The following ATP2A3 variants were observed in gnomAD, a reference collection of about 807,000 sequenced individuals.
The protein encoded by ATP2A3 is sarcoplasmic/endoplasmic reticulum calcium ATPase 3.
A neutral mutation model predicts 106.8 loss-of-function variants in ATP2A3; 61 were observed. That is an observed-to-expected ratio of 0.57 (90% CI 0.46 to 0.71). The LOEUF (loss-of-function observed/expected upper bound fraction) is 0.71. ATP2A3 is among the 30% of genes least tolerant of loss of function. The pLI is 0.00. For synonymous variants in ATP2A3, 611 were observed against 609.3 expected (o/e 1.00, Z -0.04); for missense variants, 1,201 against 1,423.5 (o/e 0.84, Z 2.52).
chr17:3,928,839 G>A lies in ATP2A3; in HGVS notation c.2863-59C>T. On this transcript the variant is annotated intron_variant, in intron 19 of 20. Transcript: ENST00000397041. This position sits in a 1 kb window ranked among gnomAD's most constrained non-coding sequence, Gnocchi z 6.1. ...GAAGGACTGGCTGTCCCGTGCCCCA[G>A]CCATCTGCTGGCCTTATCCACCTGG... 1 of 1,373,368 alleles carries A rather than the reference G, an allele frequency of 7.3e-7. No individual in the cohort carries two copies. Among genetic ancestry groups the A allele is most frequent in the South Asian group, 1.3e-5 (1 of 79,376 alleles). 85.1% of individuals were successfully genotyped at this position (1,373,368 alleles called of 1,614,324 possible).
chr17:3,941,574 C>T lies in ATP2A3; in HGVS notation c.1626G>A (p.Arg542=), dbSNP rs754877804. ...CCCGGATCTTTGCCAGGATCTGCTC[C>T]CTGGAGGTGGGGGTCAGGGGTGCTG... ...SRTAPLTPTS[R]EQILAKIRDW... Residue 542 remains arginine, a synonymous_variant, in exon 13 of 21, where the codon AGG becomes AGA. Transcript: ENST00000397041. 3 of 1,613,410 alleles carry T rather than the reference C, an allele frequency of 1.9e-6. No homozygotes were observed. The Admixed American group carries it at 5.0e-5, about 27-fold the overall frequency.
chr17:3,959,663 G>A (rs1412831345), intron 1 of ATP2A3, among the ~76,000 whole-genome samples: 1 of 152,246 alleles, frequency 6.6e-6, no homozygotes, highest in African/African-American at 2.4e-5. Flanking sequence ...TAAATTTACA[G>A]AGCAATTAAA....
intron 20 of ATP2A3, chr17:3,927,304 G>C (rs2052761980): frequency 1.0e-6 from 1 of 985,356 alleles, no homozygotes; most frequent in Non-Finnish European, 1.2e-6. Flanking sequence ...TTAGCCATGG[G>C]CATAATTTTC....
In ATP2A3 at chr17:3,940,966, C is replaced by T. The variant is rs1567695280; in HGVS notation, c.2100+5G>A. 1 of 1,613,870 alleles carries T rather than the reference C, an allele frequency of 6.2e-7. No homozygotes were observed. The highest frequency in any genetic ancestry group is 8.5e-7 in the Non-Finnish European group (1 of 1,179,774). Reference sequence around the variant, plus strand: ...CCCTCCTGGGGCTCCAGGCTGTGGCCTCACCATAGCAGTGATCTCGTTAAA... The same window carrying T: ...CCCTCCTGGGGCTCCAGGCTGTGGCTTCACCATAGCAGTGATCTCGTTAAA... On this transcript the variant is annotated splice_donor_5th_base_variant and intron_variant, in intron 14 of 20. Transcript: ENST00000397041.
chr17:3,958,569 T>A lies in ATP2A3; in HGVS notation c.119-4859A>T, dbSNP rs113443412. 6.7e-3 allele frequency among the ~76,000 whole-genome samples: 1,025 copies of A among 152,082 alleles called. 7 individuals carry two copies. The highest frequency in any genetic ancestry group is 0.02 in the Middle Eastern group (6 of 294). Reference sequence around the variant, plus strand: ...TCCCGAATGCACATCTGTCCCTCTGTTAGCCAAGCCTCAGGATTGCCACCC... The same window carrying A: ...TCCCGAATGCACATCTGTCCCTCTGATAGCCAAGCCTCAGGATTGCCACCC... On this transcript the variant is annotated intron_variant, in intron 1 of 20. Transcript: ENST00000397041.
rs1402327507 is a variant in ATP2A3 at position 3,947,385 on chromosome 17, A to T, written c.1095+6T>A. ...GCACAGCAACACCAAGCTGGCCGTC[A>T]CTCACCCGGCAGACAGACATCTGAT... On this transcript the variant is annotated splice_donor_region_variant and intron_variant, in intron 8 of 20. Transcript: ENST00000397041. The surrounding 1 kb of genome is among the most constrained non-coding windows in gnomAD (Gnocchi z 7.7). 9 of 1,613,682 alleles carry T rather than the reference A, an allele frequency of 5.6e-6. No individual in the cohort carries two copies. The African/African-American group carries it at 1.2e-4, about 22-fold the overall frequency.
At chr17:3,941,825 T>G (rs2053798160) in intron 12 of ATP2A3, among the ~76,000 whole-genome samples, 171 bp from the exon 13 acceptor site, 1 of 152,116 alleles carries the variant, frequency 6.6e-6, no homozygotes, top group Non-Finnish European at 1.5e-5. Flanking sequence ...GAGAACCAAG[T>G]GGGTCCCCCT....
Position 3,947,391 on chromosome 17 carries a change from C to T in ATP2A3, c.1095G>A (p.Arg365=), listed in dbSNP as rs1414265756. 6.2e-7 allele frequency: 1 copy of T among 1,613,708 alleles called. No homozygotes were observed. The highest frequency in any genetic ancestry group is 8.5e-7 in the Non-Finnish European group (1 of 1,180,056). ...CAACACCAAGCTGGCCGTCACTCAC[C>T]CGGCAGACAGACATCTGATTGGTGG... ...TLTTNQMSVC[R]MFVVAEADAG... Residue 365 remains arginine, a splice_region_variant and synonymous_variant, in exon 8 of 21, where the codon CGG becomes CGA. Coordinates refer to ENST00000397041, the MANE Select transcript of ATP2A3 (RefSeq NM_005173.4). The surrounding 1 kb of genome is among the most constrained non-coding windows in gnomAD (Gnocchi z 7.7).
Position 3,947,797 on chromosome 17 carries a change from G to C in ATP2A3, c.689C>G (p.Thr230Arg). The C allele has an allele frequency of 6.2e-7, 1 of 1,601,130 alleles. No homozygotes were observed. Among genetic ancestry groups the C allele is most frequent in the Non-Finnish European group, 8.5e-7 (1 of 1,179,870 alleles). ...VGVAVATGLH[T>R]ELGKIRSQMA... Reference sequence around the variant, plus strand: ...CTGGCTCCGGATCTTGCCCAGCTCCGTGTGCAGGCCGGTGGCCACGGCCAC... The same window carrying C: ...CTGGCTCCGGATCTTGCCCAGCTCCCTGTGCAGGCCGGTGGCCACGGCCAC... Residue 230 changes from threonine to arginine, a missense_variant, in exon 8 of 21, where the codon ACG becomes AGG. Physicochemically the swap from Thr to Arg is moderately conservative, Grantham distance 71. Around this residue, in one of 2 missense-constraint regions of ATP2A3, gnomAD observed 935 missense variants for 1,176.7 expected, o/e 0.79. Transcript: ENST00000397041. The surrounding 1 kb of genome is among the most constrained non-coding windows in gnomAD (Gnocchi z 7.7).
In ATP2A3 at chr17:3,929,966, C is replaced by G. The variant is rs1031279267; in HGVS notation, c.2744+335G>C. 3.3e-5 allele frequency among the ~76,000 whole-genome samples: 5 copies of G among 149,284 alleles called. No homozygotes were observed. The highest frequency in any genetic ancestry group is 6.9e-3 in the Middle Eastern group (2 of 290). ...GAACCCCTTGACCCCAGACCCCAAT[C>G]CTGGACCTCTCTTGACCCCTAGACC... On this transcript the variant is annotated intron_variant, in intron 18 of 20. Transcript: ENST00000397041. This position sits in a 1 kb window ranked among gnomAD's most constrained non-coding sequence, Gnocchi z 4.3.
At chr17:3,952,179 G>C (rs1043934587) in intron 3 of ATP2A3, among the ~76,000 whole-genome samples, 2 of 152,144 alleles carry the variant, frequency 1.3e-5, no homozygotes, top group Admixed American at 6.5e-5. Flanking sequence ...TTGCCTCCCA[G>C]GTTCAAGCAA....
At position 3,928,337 on chromosome 17, in the gene ATP2A3, G is replaced by A; in HGVS notation, c.2980+326C>T. ...CCTGGATAAAGACAGGCTGGGTGCA[G>A]AGGGGTCAGAGGCTGAGGCCCAGAA... On this transcript the variant is annotated intron_variant, in intron 20 of 20. Transcript: ENST00000397041. The surrounding 1 kb of genome is among the most constrained non-coding windows in gnomAD (Gnocchi z 6.1). 1 of 1,611,470 alleles carries A rather than the reference G, an allele frequency of 6.2e-7. No homozygotes were observed. The highest frequency in any genetic ancestry group is 8.5e-7 in the Non-Finnish European group (1 of 1,179,006).
At position 3,944,338 on chromosome 17, in the gene ATP2A3, C is replaced by T. The variant is rs578093156; in HGVS notation, c.1287+366G>A. 5.3e-5 allele frequency among the ~76,000 whole-genome samples: 8 copies of T among 152,228 alleles called. No homozygotes were observed. In the East Asian group the frequency reaches 7.8e-4, roughly 15 times the overall value. On this transcript the variant is annotated intron_variant, in intron 10 of 20. Coordinates refer to ENST00000397041, the MANE Select transcript of ATP2A3 (RefSeq NM_005173.4). ...TGCTGCATGCCCCATTCCACTGCCC[C>T]GGCCACGTGAATGCCTAAGTCGCAG...
chr17:3,947,957 G>A lies in ATP2A3; in HGVS notation c.631-102C>T. On this transcript the variant is annotated intron_variant, in intron 7 of 20. Coordinates refer to ENST00000397041, the MANE Select transcript of ATP2A3 (RefSeq NM_005173.4). The surrounding 1 kb of genome is among the most constrained non-coding windows in gnomAD (Gnocchi z 7.7). ...GAATAAGGCACTTATCCTTCTACCCGGCTTTCCTTTTCTCCATGTTGCTAG... is the reference window on the plus strand; with the variant it reads ...GAATAAGGCACTTATCCTTCTACCCAGCTTTCCTTTTCTCCATGTTGCTAG... 2 of 1,202,330 alleles carry A rather than the reference G, an allele frequency of 1.7e-6. No homozygotes were observed. The highest frequency in any genetic ancestry group is 2.6e-5 in the South Asian group (2 of 76,544). 74.5% of individuals were successfully genotyped at this position (1,202,330 alleles called of 1,614,324 possible).
rs2054398117 is a variant in ATP2A3, at chr17:3,951,162, G to A, written c.463+89C>T. Reference sequence around the variant, plus strand: ...CACTCCAGTCTGGGCAACAGAGCACGACTCCATCTCAAAAAATAAATAAAT... The same window carrying A: ...CACTCCAGTCTGGGCAACAGAGCACAACTCCATCTCAAAAAATAAATAAAT... On this transcript the variant is annotated intron_variant, in intron 5 of 20. Coordinates refer to ENST00000397041, the MANE Select transcript of ATP2A3 (RefSeq NM_005173.4). The A allele has an allele frequency of 2.3e-5, 26 of 1,112,440 alleles. No homozygotes were observed. In the South Asian group the frequency reaches 5.1e-4, roughly 22 times the overall value. The allele number at this position is 1,112,440 out of a possible 1,614,324, so 68.9% of individuals were successfully genotyped here.
Position 3,936,500 on chromosome 17 carries a change from T to C in ATP2A3, c.2322-31A>G. ...ACAGAGTCATGAGCTCTAGCCCCGG[T>C]AGGCCTAGCCCCCGGCAGATGCAGG... On this transcript the variant is annotated intron_variant, in intron 15 of 20. Coordinates refer to ENST00000397041, the MANE Select transcript of ATP2A3 (RefSeq NM_005173.4). This position sits in a 1 kb window ranked among gnomAD's most constrained non-coding sequence, Gnocchi z 5.4. 6.2e-7 allele frequency: 1 copy of C among 1,610,802 alleles called. No individual in the cohort carries two copies. The highest frequency in any genetic ancestry group is 8.5e-7 in the Non-Finnish European group (1 of 1,178,094).
rs868053250 is a variant in ATP2A3, at chr17:3,928,016, G to A, written c.2980+647C>T. Reference sequence around the variant, plus strand: ...TCCCTCTCTGAGCAGCTCTGACAGCGAGACGATGCTGTGTCCCTGGCCCTT... The same window carrying A: ...TCCCTCTCTGAGCAGCTCTGACAGCAAGACGATGCTGTGTCCCTGGCCCTT... On this transcript the variant is annotated intron_variant, in intron 20 of 20. Coordinates refer to ENST00000397041, the MANE Select transcript of ATP2A3 (RefSeq NM_005173.4). The surrounding 1 kb of genome is among the most constrained non-coding windows in gnomAD (Gnocchi z 6.1). 11 of 1,614,050 alleles carry A rather than the reference G, an allele frequency of 6.8e-6. No homozygotes were observed. Among genetic ancestry groups the A allele is most frequent in the South Asian group, 2.2e-5 (2 of 91,088 alleles).
rs756830133 is a variant in ATP2A3 at position 3,940,943 on chromosome 17, C to T, written c.2100+28G>A. ...ACCCCGTGGCCCCACTCATCACCCC[C>T]TCCTGGGGCTCCAGGCTGTGGCCTC... On this transcript the variant is annotated intron_variant, in intron 14 of 20. Transcript: ENST00000397041. 8.7e-6 allele frequency: 14 copies of T among 1,613,140 alleles called. No homozygotes were observed. In the Admixed American group the frequency reaches 2.0e-4, roughly 23 times the overall value.
Position 3,929,591 on chromosome 17 carries a change from C to T in ATP2A3, c.2745-146G>A. 1 of 691,252 alleles carries T rather than the reference C, an allele frequency of 1.4e-6. No homozygotes were observed. The highest frequency in any genetic ancestry group is 2.7e-5 in the Admixed American group (1 of 37,566). The allele number at this position is 691,252 out of a possible 1,614,324, so 42.8% of individuals were successfully genotyped here. Reference sequence around the variant, plus strand: ...TGCCAGGGCCTGTCCCGGGCTGGGACCCCTTTCTCTGCCCCTCAGACCTAA... The same window carrying T: ...TGCCAGGGCCTGTCCCGGGCTGGGATCCCTTTCTCTGCCCCTCAGACCTAA... On this transcript the variant is annotated intron_variant, in intron 18 of 20. Transcript: ENST00000397041. The surrounding 1 kb of genome is among the most constrained non-coding windows in gnomAD (Gnocchi z 4.3).
Sources: allele counts gnomAD v4.1 joint callset (sites outside exome capture counted in the v4.1 genomes callset), GRCh38; gene constraint gnomAD v4.1.1; regional missense constraint gnomAD v4.1.1; non-coding constraint Gnocchi (gnomAD v3.1); transcripts MANE v1.5; gene names NCBI Gene and HGNC (gene_info 2026-07-23, HGNC 2026-07-21).